Variants in HK2 observed in about 807,000 individuals in gnomAD.
The protein encoded by HK2 is hexokinase 2, also known as hexokinase-2.
HK2 carries 42 observed loss-of-function variants against 92.9 expected under a neutral mutation model. The ratio of observed to expected loss-of-function variants is 0.45; its 90% CI spans 0.35 to 0.58. The LOEUF (loss-of-function observed/expected upper bound fraction) is 0.58. HK2 is among the 20% of genes least tolerant of loss of function. HK2 has a pLI of 0.00. For missense variants in HK2, 978 were observed against 1,245.1 expected (o/e 0.79, Z 3.23); for synonymous variants, 422 against 468.0 (o/e 0.90, Z 1.27).
In HK2 at chr2:74,877,159, C is replaced by T. The variant is rs767044426; in HGVS notation, c.876-7C>T. 6.8e-6 allele frequency: 11 copies of T among 1,613,666 alleles called. No individual in the cohort carries two copies. Among genetic ancestry groups the T allele is most frequent in the Non-Finnish European group, 9.3e-6 (11 of 1,180,026 alleles). On this transcript the variant is annotated splice_polypyrimidine_tract_variant and splice_region_variant and intron_variant, in intron 7 of 17. Transcript: ENST00000290573. ...ACTTTATGTTTTTGGTTTGTGTCTTCCGGCAGGTTTGAGAAGATGATCAGT... is the reference window on the plus strand; with the variant it reads ...ACTTTATGTTTTTGGTTTGTGTCTTTCGGCAGGTTTGAGAAGATGATCAGT...
intron 12 of HK2, among the ~76,000 whole-genome samples, chr2:74,885,130 G>T (rs927705611): frequency 1.3e-5 from 2 of 152,206 alleles, no homozygotes; most frequent in Non-Finnish European, 2.9e-5. Context: ...CATTCACTGG[G>T]GTCGGAGGGC....
intron 2 of HK2, among the ~76,000 whole-genome samples, chr2:74,860,251 G>A (rs1462244622): frequency 6.6e-6 from 1 of 152,004 alleles, no homozygotes; most frequent in Non-Finnish European, 1.5e-5. Flanking sequence ...GATGTAGTGG[G>A]TGTTGGATAC....
At chr2:74,860,124 T>C (rs997504104) in intron 2 of HK2, among the ~76,000 whole-genome samples, 1 of 143,732 alleles carries the variant, frequency 7.0e-6, no homozygotes, top group African/African-American at 2.6e-5. Context: ...TGTGTCCACA[T>C]GGACATAGAA....
chr2:74,852,768 A>G (rs905382531), intron 1 of HK2, among the ~76,000 whole-genome samples: 4 of 152,184 alleles, frequency 2.6e-5, no homozygotes, highest in African/African-American at 7.2e-5. Context: ...GGAAAAGTTC[A>G]TGTGAATTTA....
chr2:74,883,499 C>T (rs890987785), intron 12 of HK2, among the ~76,000 whole-genome samples: 3 of 152,170 alleles, frequency 2.0e-5, no homozygotes, highest in Admixed American at 6.5e-5. Context: ...GCTGGGCCAG[C>T]GCAGAAGAGC....
intron 3 of HK2, among the ~76,000 whole-genome samples, chr2:74,870,742 TGTTCAAGGGA>T (rs1424701195): frequency 6.6e-6 from 1 of 152,206 alleles, no homozygotes; most frequent in Non-Finnish European, 1.5e-5. Context: ...ACTTGAACTC[TGTTCAAGGGA>T]GTTGGCTCAC....
At chr2:74,880,054 C>A (rs958937389) in intron 9 of HK2, among the ~76,000 whole-genome samples, 1 of 152,122 alleles carries the variant, frequency 6.6e-6, no homozygotes, top group Non-Finnish European at 1.5e-5. Context: ...CTTTCATTGG[C>A]GGGGGTGAAC....
intron 2 of HK2, among the ~76,000 whole-genome samples, chr2:74,857,292 C>G (rs149533504): frequency 6.6e-6 from 1 of 152,198 alleles, no homozygotes; most frequent in Non-Finnish European, 1.5e-5. Flanking sequence ...AACTATTGTG[C>G]TAGTCTATTC....
chr2:74,877,083 G>A lies in HK2; in HGVS notation c.876-83G>A, dbSNP rs972847963. ...TTAACCCTTAGTTGTGAAGTTGCAC[G>A]TGTGCGCATCTTGCTTCAACAGGGA... On this transcript the variant is annotated intron_variant, in intron 7 of 17. Transcript: ENST00000290573. The A allele has an allele frequency of 3.3e-5, 52 of 1,556,890 alleles. No homozygotes were observed. In the African/African-American group the frequency reaches 3.9e-4, roughly 12 times the overall value.
intron 9 of HK2, 150 bp downstream of exon 9, chr2:74,879,071 G>A: frequency 1.3e-6 from 1 of 754,672 alleles, no homozygotes; most frequent in Non-Finnish European, 2.4e-6. Flanking sequence ...TCCCACCTGG[G>A]CAAGGGGGAA....
rs958967973 is a variant in HK2, at chr2:74,879,899, C to G, written c.1266-366C>G. 5.3e-5 allele frequency among the ~76,000 whole-genome samples: 8 copies of G among 152,330 alleles called. No homozygotes were observed. In the East Asian group the frequency reaches 1.4e-3, roughly 26 times the overall value. ...GACAGATAGGTGGCATCAGAACCAC[C>G]TAATACCACAGGGCTGCTCCAGCAA... On this transcript the variant is annotated intron_variant, in intron 9 of 17. Transcript: ENST00000290573.
chr2:74,872,179 A>G, intron 3 of HK2, 121 bp from the exon 4 acceptor site: 2 of 948,552 alleles, frequency 2.1e-6, no homozygotes, highest in South Asian at 1.4e-5. Flanking sequence ...AAATGAAGAT[A>G]TCAGAGGAGA....
At chr2:74,868,073 G>A (rs1033210634) in intron 3 of HK2, among the ~76,000 whole-genome samples, 9 of 152,208 alleles carry the variant, frequency 5.9e-5, no homozygotes, top group African/African-American at 1.9e-4. Flanking sequence ...GCTTGGAAGA[G>A]GTCAAGCCCT....
chr2:74,867,039 T>G (rs1688966129), intron 2 of HK2, among the ~76,000 whole-genome samples: 1 of 152,150 alleles, frequency 6.6e-6, no homozygotes. Context: ...AGGAACAGGA[T>G]GGAGGCATGC....
At chr2:74,847,370 CG>C (rs1688466684) in intron 1 of HK2, among the ~76,000 whole-genome samples, 1 of 152,038 alleles carries the variant, frequency 6.6e-6, no homozygotes, top group South Asian at 2.1e-4. Context: ...ATCAAACTGG[CG>C]AGATGATTAC....
chr2:74,889,127 G>T, intron 16 of HK2, 118 bp from the exon 17 acceptor site: 1 of 814,106 alleles, frequency 1.2e-6, no homozygotes, highest in Non-Finnish European at 2.1e-6. Context: ...CGAGGGGCCA[G>T]CTCCTGGAGA....
chr2:74,858,608 A>C (rs965437487), intron 2 of HK2, among the ~76,000 whole-genome samples: 6 of 152,210 alleles, frequency 3.9e-5, no homozygotes, highest in Non-Finnish European at 7.3e-5. Context: ...TTTACTAAGA[A>C]AAGGTGTGTA....
In HK2 at chr2:74,844,823, C is replaced by G. The variant is rs193185061; in HGVS notation, c.64-9470C>G. On this transcript the variant is annotated intron_variant, in intron 1 of 17. Coordinates refer to ENST00000290573, the MANE Select transcript of HK2 (RefSeq NM_000189.5). The stretch of plus-strand genomic sequence containing the variant: ...CCAGCCTGAAGAGCAAGGCCCGACA[C>G]AGAGCACCTGGTCAGTCGGGAGTAG... Among the ~76,000 whole-genome samples, 3 of 152,362 alleles carry G rather than the reference C, an allele frequency of 2.0e-5. No individual in the cohort carries two copies. The East Asian group carries it at 5.8e-4, about 29-fold the overall frequency.
intron 3 of HK2, among the ~76,000 whole-genome samples, chr2:74,870,876 G>C (rs1204514265): frequency 6.6e-6 from 1 of 152,094 alleles, no homozygotes; most frequent in Non-Finnish European, 1.5e-5. Flanking sequence ...ACTTTGCATG[G>C]GATCAGACAG....
Sources: allele counts gnomAD v4.1 joint callset (sites outside exome capture counted in the v4.1 genomes callset), GRCh38; gene constraint gnomAD v4.1.1; transcripts MANE v1.5; gene names NCBI Gene and HGNC (gene_info 2026-07-23, HGNC 2026-07-21).